The following NALF1 variants were observed in gnomAD, a reference collection of about 807,000 sequenced individuals.
The protein encoded by NALF1 is family with sequence similarity 155 member A.
NALF1 carries 3 observed loss-of-function variants against 48.4 expected under a neutral mutation model. The observed-to-expected ratio is 0.06, with a 90% confidence interval of 0.03 to 0.16. The LOEUF (loss-of-function observed/expected upper bound fraction) is 0.16. Ranked by LOEUF, NALF1 falls within the 10% of genes least tolerant of loss-of-function variation. The pLI is 1.00. For synonymous variants in NALF1, 262 were observed against 245.7 expected, an observed-to-expected ratio of 1.07 and a Z score of -0.62; for missense variants, 526 against 571.5, an observed-to-expected ratio of 0.92 and a Z score of 0.81.
At chr13:107,344,713 A>G (rs1046009809) in intron 1 of NALF1, among the ~76,000 whole-genome samples, 2 of 152,194 alleles carry the variant, frequency 1.3e-5, no homozygotes, top group Admixed American at 6.5e-5. Flanking sequence ...AAAAGGACAC[A>G]GGTATCATTA....
At chr13:107,753,800 A>T (rs987135892) in intron 1 of NALF1, among the ~76,000 whole-genome samples, 15 of 152,172 alleles carry the variant, frequency 9.9e-5, no homozygotes, top group African/African-American at 3.6e-4. Flanking sequence ...GATGGAGTTG[A>T]ACAAGGATCC....
intron 1 of NALF1, among the ~76,000 whole-genome samples, chr13:107,310,465 T>C (rs1025541698): frequency 6.6e-6 from 1 of 151,888 alleles, no homozygotes; most frequent in South Asian, 2.1e-4. Flanking sequence ...AGTAGTTTTA[T>C]TTTCACCAAT....
chr13:107,640,467 A>G (rs1295416474), intron 1 of NALF1, among the ~76,000 whole-genome samples: 1 of 152,174 alleles, frequency 6.6e-6, no homozygotes, highest in East Asian at 1.9e-4. Context: ...GTAAAATGGC[A>G]TCCAAACTAT....
chr13:107,421,068 G>C (rs76538384), intron 1 of NALF1, among the ~76,000 whole-genome samples: 3 of 152,098 alleles, frequency 2.0e-5, no homozygotes, highest in African/African-American at 7.2e-5. Flanking sequence ...TATGCTACAG[G>C]CACTTCAAAT....
In NALF1 at chr13:107,713,364, A is replaced by AT. The variant is rs899438705; in HGVS notation, c.915+152317dup. 3.9e-4 allele frequency among the ~76,000 whole-genome samples: 60 copies of AT among 152,162 alleles called. 1 individual carries two copies. Among genetic ancestry groups the AT allele is most frequent in the African/African-American group, 4.8e-4 (20 of 41,510 alleles). On this transcript the variant is annotated intron_variant, in intron 1 of 2. Transcript: ENST00000375915. ...TCTATCCTGTTTTAAGGGCTCTGAT[A>AT]TTTTTTACTGAATATAATGATATCA...
chr13:107,608,409 A>G (rs937776697), intron 1 of NALF1, among the ~76,000 whole-genome samples: 10 of 152,220 alleles, frequency 6.6e-5, no homozygotes, highest in Non-Finnish European at 1.5e-4. Flanking sequence ...AAATGAACTG[A>G]GCCTACAGAG....
At chr13:107,492,371 C>G (rs907260500) in intron 1 of NALF1, among the ~76,000 whole-genome samples, 8 of 152,002 alleles carry the variant, frequency 5.3e-5, no homozygotes, top group African/African-American at 1.9e-4. Flanking sequence ...TAAACTTACC[C>G]TCATATGAAG....
At position 107,545,018 on chromosome 13, in the gene NALF1, G is replaced by A. The variant is rs143976956; in HGVS notation, c.915+320664C>T. On this transcript the variant is annotated intron_variant, in intron 1 of 2. Transcript: ENST00000375915. ...AGGAACACACACAGTTTTGTTCTGC[G>A]TTATGGGCTAAGTTGCCCCCTCAAA... Among the ~76,000 whole-genome samples, 220 of 152,254 alleles carry A rather than the reference G, an allele frequency of 1.4e-3. 1 individual carries two copies. The highest frequency in any genetic ancestry group is 4.6e-3 in the African/African-American group (191 of 41,554).
chr13:107,837,810 T>C (rs1594305538), intron 1 of NALF1, among the ~76,000 whole-genome samples: 1 of 152,230 alleles, frequency 6.6e-6, no homozygotes, highest in Non-Finnish European at 1.5e-5. Flanking sequence ...TTACCAGTTC[T>C]TTCTGCAAAA....
At chr13:107,826,057 G>A (rs1304399232) in intron 1 of NALF1, among the ~76,000 whole-genome samples, 3 of 152,210 alleles carry the variant, frequency 2.0e-5, no homozygotes, top group African/African-American at 7.2e-5. Flanking sequence ...GGGATTACAG[G>A]CGTGAGCCAC....
chr13:107,272,092 A>G (rs552002440), intron 1 of NALF1, among the ~76,000 whole-genome samples: 1 of 151,904 alleles, frequency 6.6e-6, no homozygotes, highest in East Asian at 1.9e-4. Flanking sequence ...TGAATGTCTC[A>G]ATATCATATT....
intron 1 of NALF1, among the ~76,000 whole-genome samples, chr13:107,251,399 G>T (rs1182114798): frequency 6.6e-6 from 1 of 152,114 alleles, no homozygotes; most frequent in Non-Finnish European, 1.5e-5. Context: ...TTCCATTTTT[G>T]TCTCAGTTTT....
chr13:107,771,717 T>C (rs993024078), intron 1 of NALF1, among the ~76,000 whole-genome samples: 1 of 152,100 alleles, frequency 6.6e-6, no homozygotes, highest in African/African-American at 2.4e-5. Flanking sequence ...TGTCCAGATA[T>C]CCAGATATCT....
intron 1 of NALF1, among the ~76,000 whole-genome samples, chr13:107,640,554 T>C (rs1344836368): frequency 2.0e-5 from 3 of 152,184 alleles, no homozygotes; most frequent in Non-Finnish European, 4.4e-5. Flanking sequence ...TTGGGATTAA[T>C]AAATATGAAA....
chr13:107,455,123 C>T (rs1016893698), intron 1 of NALF1, among the ~76,000 whole-genome samples: 1 of 152,042 alleles, frequency 6.6e-6, no homozygotes, highest in Non-Finnish European at 1.5e-5. Flanking sequence ...ACCCTTTACT[C>T]GCATATCTCT....
intron 1 of NALF1, among the ~76,000 whole-genome samples, chr13:107,590,851 C>G (rs1173577137): frequency 6.6e-6 from 1 of 151,944 alleles, no homozygotes; most frequent in African/African-American, 2.4e-5. Flanking sequence ...CATCATCCCC[C>G]ACCCTCCACA....
chr13:107,508,195 C>T (rs931480990), intron 1 of NALF1, among the ~76,000 whole-genome samples: 3 of 151,886 alleles, frequency 2.0e-5, no homozygotes, highest in African/African-American at 7.3e-5. Context: ...TTTATGAAAC[C>T]TTTAAAAGCA....
At chr13:107,558,121 C>T (rs1417914829) in intron 1 of NALF1, among the ~76,000 whole-genome samples, 1 of 146,792 alleles carries the variant, frequency 6.8e-6, no homozygotes, top group African/African-American at 2.5e-5. Context: ...GAGAATCTTC[C>T]AAGAAAAAAA....
At chr13:107,707,442 C>G (rs1434723676) in intron 1 of NALF1, among the ~76,000 whole-genome samples, 1 of 152,182 alleles carries the variant, frequency 6.6e-6, no homozygotes, top group African/African-American at 2.4e-5. Flanking sequence ...TCTCTCCTAC[C>G]TCTAGCAGAC....
Sources: gnomAD v4.1 joint callset for allele counts (sites outside exome capture counted in the v4.1 genomes callset) on GRCh38, gnomAD v4.1.1 for gene constraint, MANE v1.5 for transcripts, NCBI Gene and HGNC (gene_info 2026-07-23, HGNC 2026-07-21) for gene names.